The following SASH1 variants were observed in gnomAD, a reference collection of about 807,000 sequenced individuals.
SASH1 encodes the protein SAM and SH3 domain containing 1.
SASH1 carries 44 observed loss-of-function variants against 125.2 expected under a neutral mutation model. The observed-to-expected ratio is 0.35, with a 90% confidence interval of 0.28 to 0.45. The LOEUF (loss-of-function observed/expected upper bound fraction) is 0.45. Among genes scored for constraint, SASH1 ranks in the 20% least tolerant of loss-of-function variants. The probability of loss-of-function intolerance (pLI) is 1.00; values close to 1 mark genes in which losing one functional copy is unlikely to be tolerated. For missense variants in SASH1, 1,426 were observed against 1,614.5 expected (o/e 0.88, Z 2.00); for synonymous variants, 639 against 649.1 (o/e 0.98, Z 0.24).
At chr6:148,207,024 C>T in the SASH1 span, among the ~76,000 whole-genome samples, 1 of 152,108 alleles carries the variant, frequency 6.6e-6, no homozygotes, top group Non-Finnish European at 1.5e-5. Flanking sequence ...CACTGACACC[C>T]GGCCCCTCTC....
intron 16 of SASH1, among the ~76,000 whole-genome samples, chr6:148,537,891 T>C (rs1363859457): frequency 6.7e-6 from 1 of 150,174 alleles, no homozygotes; most frequent in African/African-American, 2.4e-5. Context: ...CAGGTCAAAG[T>C]TCAGGTCATG....
intron 4 of SASH1, among the ~76,000 whole-genome samples, chr6:148,455,967 C>A (rs142272974): frequency 4.1e-4 from 63 of 152,122 alleles, no homozygotes; most frequent in African/African-American, 1.4e-3. Flanking sequence ...GGGCAGCTGG[C>A]AGAAGAAAAG....
chr6:148,276,724 T>A (rs750321707), intron 1 of SASH1, among the ~76,000 whole-genome samples: 19 of 152,108 alleles, frequency 1.2e-4, no homozygotes, highest in South Asian at 6.2e-4. Flanking sequence ...TATATACACC[T>A]GCGAGTGCAC....
At chr6:148,271,446 C>G (rs1159381316), upstream of SASH1, among the ~76,000 whole-genome samples, 1 of 152,200 alleles carries the variant, frequency 6.6e-6, no homozygotes, top group African/African-American at 2.4e-5. Context: ...TGACTATTCA[C>G]TGATGTTACC....
chr6:148,293,454 A>G (rs1307136916), intron 1 of SASH1, among the ~76,000 whole-genome samples: 1 of 152,106 alleles, frequency 6.6e-6, no homozygotes, highest in African/African-American at 2.4e-5. Context: ...ATTGCATCCC[A>G]CAGGTTTCGG....
At chr6:148,323,125 C>G (rs1780697293) in intron 1 of SASH1, among the ~76,000 whole-genome samples, 1 of 151,816 alleles carries the variant, frequency 6.6e-6, no homozygotes, top group Non-Finnish European at 1.5e-5. Context: ...TTCTCCTGCC[C>G]TAGCCTCCCA....
At chr6:148,503,645 G>C (rs1382227387) in intron 8 of SASH1, among the ~76,000 whole-genome samples, 1 of 152,080 alleles carries the variant, frequency 6.6e-6, no homozygotes, top group African/African-American at 2.4e-5. Flanking sequence ...CCCACTTACA[G>C]GCAAATGTGT....
At chr6:148,218,663 A>G in the SASH1 span, among the ~76,000 whole-genome samples, 104 of 152,258 alleles carry the variant, frequency 6.8e-4, 1 homozygote, top group East Asian at 0.02. Context: ...CCCAGCTGCC[A>G]CATCAGGACA....
intron 1 of SASH1, among the ~76,000 whole-genome samples, chr6:148,304,831 C>T (rs1448356974): frequency 6.6e-6 from 1 of 152,142 alleles, no homozygotes. Flanking sequence ...AGTTCGAGAT[C>T]AGCCTGGCCG....
chr6:148,269,248 C>T (rs945235648), upstream of SASH1, among the ~76,000 whole-genome samples: 1 of 152,168 alleles, frequency 6.6e-6, no homozygotes, highest in African/African-American at 2.4e-5. Flanking sequence ...GAGCTATGGG[C>T]ACTCCCAATT....
At chr6:148,402,708 G>A (rs939272625) in intron 2 of SASH1, among the ~76,000 whole-genome samples, 3 of 151,212 alleles carry the variant, frequency 2.0e-5, no homozygotes, top group Admixed American at 6.6e-5. Flanking sequence ...TCCGCCTCCC[G>A]GGTTCACACC....
rs1781382494 is a variant in SASH1, at chr6:148,342,979, G to A, written c.-89G>A. The stretch of plus-strand genomic sequence containing the variant: ...GCGCGGCTCGGTGACGCCGCGGGCG[G>A]GGACCCGGCATCCGGGCAGGCTGCG... On this transcript the variant is annotated 5_prime_UTR_variant, in exon 1 of 20. Coordinates refer to ENST00000367467, the MANE Select transcript of SASH1 (RefSeq NM_015278.5). 2.2e-5 allele frequency: 22 copies of A among 1,014,520 alleles called. No homozygotes were observed. Among genetic ancestry groups the A allele is most frequent in the Non-Finnish European group, 2.5e-5 (21 of 848,068 alleles). The allele number at this position is 1,014,520 out of a possible 1,614,324, so 62.8% of individuals were successfully genotyped here. A position where few individuals can be genotyped will look rare whatever the true frequency, so the allele number is the denominator to read the frequency against.
At chr6:148,447,842 T>C (rs1175075414) in intron 4 of SASH1, among the ~76,000 whole-genome samples, 1 of 152,142 alleles carries the variant, frequency 6.6e-6, no homozygotes, top group Non-Finnish European at 1.5e-5. Flanking sequence ...CAAAAGCCGC[T>C]GCAGTTTCTC....
At chr6:148,511,036 C>A (rs1292213374) in intron 8 of SASH1, among the ~76,000 whole-genome samples, 2 of 150,910 alleles carry the variant, frequency 1.3e-5, no homozygotes, top group African/African-American at 4.9e-5. Context: ...GTGTTATTTT[C>A]AGCATTTGGG....
At chr6:148,283,189 G>A (rs1382398089) in intron 1 of SASH1, among the ~76,000 whole-genome samples, 3 of 152,312 alleles carry the variant, frequency 2.0e-5, no homozygotes, top group Admixed American at 6.5e-5. Context: ...AGCTGAGTGC[G>A]CCAAATGAAG....
intron 4 of SASH1, among the ~76,000 whole-genome samples, chr6:148,446,318 C>T (rs778460659): frequency 5.9e-5 from 9 of 151,930 alleles, no homozygotes; most frequent in Non-Finnish European, 8.8e-5. Flanking sequence ...CCGTGTTAGC[C>T]AGGATGGTCT....
At chr6:148,499,220 A>G (rs574009362) in intron 8 of SASH1, among the ~76,000 whole-genome samples, 3 of 152,216 alleles carry the variant, frequency 2.0e-5, no homozygotes, top group South Asian at 2.1e-4. Flanking sequence ...TTTTTACAAT[A>G]TAATTTCTAT....
chr6:148,268,458 T>C (rs1778990997), upstream of SASH1, among the ~76,000 whole-genome samples: 1 of 151,994 alleles, frequency 6.6e-6, no homozygotes, highest in Admixed American at 6.5e-5. Flanking sequence ...AAGTGGAAAA[T>C]ATCAAGAAAA....
At chr6:148,421,823 T>C (rs1785117701) in intron 2 of SASH1, among the ~76,000 whole-genome samples, 1 of 152,250 alleles carries the variant, frequency 6.6e-6, no homozygotes, top group Non-Finnish European at 1.5e-5. Context: ...GCTCTCGTTA[T>C]TTATAAGAGC....
Sources: allele counts gnomAD v4.1 joint callset (sites outside exome capture counted in the v4.1 genomes callset), GRCh38; gene constraint gnomAD v4.1.1; transcripts MANE v1.5; gene names NCBI Gene and HGNC (gene_info 2026-07-23, HGNC 2026-07-21).